SAMMSON: variants seen among roughly 807,000 people sequenced by gnomAD.
The protein encoded by SAMMSON is long intergenic non-protein coding RNA 1212.
intron 4 of SAMMSON, among the ~76,000 whole-genome samples, chr3:70,089,537 CG>C (rs955626389): frequency 9.8e-5 from 1 of 10,248 alleles, no homozygotes; most frequent in Non-Finnish European, 1.8e-4. Context: ...GGCAGATGGA[CG>C]GGGGGTGGGG....
At chr3:70,092,773 G>T (rs56262790) in intron 4 of SAMMSON, among the ~76,000 whole-genome samples, 2 of 151,964 alleles carry the variant, frequency 1.3e-5, no homozygotes, top group Admixed American at 6.6e-5. Context: ...AAATGCAAAT[G>T]TACTTTTGTG....
chr3:70,340,482 C>A (rs12491962), intron 7 of SAMMSON, among the ~76,000 whole-genome samples: 91,600 of 151,666 alleles, frequency 0.6, 28,169 homozygotes, highest in Non-Finnish European at 0.66. Flanking sequence ...TTGGAAGGTT[C>A]CTACTACCTT....
At chr3:70,413,183 T>C (rs890945566) in intron 2 of SAMMSON, among the ~76,000 whole-genome samples, 1 of 152,252 alleles carries the variant, frequency 6.6e-6, no homozygotes, top group Middle Eastern at 3.4e-3. Flanking sequence ...ACGCCTCTTT[T>C]AGGTACTATA....
intron 7 of SAMMSON, among the ~76,000 whole-genome samples, chr3:70,314,008 T>C (rs1195853386): frequency 6.6e-6 from 1 of 152,142 alleles, no homozygotes; most frequent in Admixed American, 6.6e-5. Context: ...TCAATACTCC[T>C]AGAAATGTTT....
intron 4 of SAMMSON, among the ~76,000 whole-genome samples, chr3:70,102,142 C>T (rs2067348737): frequency 1.3e-5 from 2 of 152,136 alleles, no homozygotes; most frequent in South Asian, 4.1e-4. Flanking sequence ...TTAGAGATTC[C>T]ATCTTAGTCT....
intron 3 of SAMMSON, among the ~76,000 whole-genome samples, chr3:70,039,870 G>T (rs1427500072): frequency 6.6e-6 from 1 of 152,078 alleles, no homozygotes; most frequent in Non-Finnish European, 1.5e-5. Flanking sequence ...TGCTTTTATG[G>T]AGTGCTTGAA....
intron 7 of SAMMSON, among the ~76,000 whole-genome samples, chr3:70,338,724 A>G (rs1702685950): frequency 6.6e-6 from 1 of 152,164 alleles, no homozygotes; most frequent in Admixed American, 6.5e-5. Context: ...AAGGAGAACT[A>G]CAAACCACTG....
intron 2 of SAMMSON, among the ~76,000 whole-genome samples, chr3:70,397,035 T>C (rs1398087177): frequency 1.3e-5 from 2 of 152,208 alleles, no homozygotes; most frequent in African/African-American, 4.8e-5. Context: ...CTGTGGATCC[T>C]TATATAAATT....
At chr3:70,406,665 T>C (rs1045179352) in intron 2 of SAMMSON, among the ~76,000 whole-genome samples, 2 of 152,212 alleles carry the variant, frequency 1.3e-5, no homozygotes, top group African/African-American at 2.4e-5. Context: ...CAGTTGAAGA[T>C]GCATGTGGTA....
chr3:70,227,832 T>C lies in SAMMSON; in HGVS notation n.508-21275T>C, dbSNP rs555440405. 7.9e-5 allele frequency among the ~76,000 whole-genome samples: 12 copies of C among 152,236 alleles called. No individual in the cohort carries two copies. In the East Asian group the frequency reaches 2.3e-3, roughly 29 times the overall value. On this transcript the variant is annotated intron_variant and non_coding_transcript_variant, in intron 4 of 9. Transcript: ENST00000642114. Reference sequence around the variant, plus strand: ...GGTAATACAAACTGTGAATTATAAATGCAGATAGTAGTAAGCGGCAGAGCT... The same window carrying C: ...GGTAATACAAACTGTGAATTATAAACGCAGATAGTAGTAAGCGGCAGAGCT...
intron 9 of SAMMSON, among the ~76,000 whole-genome samples, chr3:70,362,689 T>A (rs547178715): frequency 6.6e-6 from 1 of 152,204 alleles, no homozygotes; most frequent in South Asian, 2.1e-4. Context: ...CACATGTGTA[T>A]CTTTTTTTTA....
chr3:70,235,873 A>G (rs1332444923), intron 4 of SAMMSON, among the ~76,000 whole-genome samples: 2 of 152,204 alleles, frequency 1.3e-5, no homozygotes, highest in Non-Finnish European at 2.9e-5. Flanking sequence ...AAGACAATAC[A>G]TGTTCATTAA....
chr3:70,189,015 A>C (rs191375270), intron 4 of SAMMSON, among the ~76,000 whole-genome samples: 1 of 152,186 alleles, frequency 6.6e-6, no homozygotes, highest in Non-Finnish European at 1.5e-5. Flanking sequence ...GGTGCTTGAG[A>C]CCATGAATCT....
intron 7 of SAMMSON, among the ~76,000 whole-genome samples, chr3:70,336,969 A>G (rs1020555433): frequency 3.4e-5 from 5 of 148,684 alleles, no homozygotes; most frequent in Non-Finnish European, 7.4e-5. Context: ...ATTCTCCCTC[A>G]TGTTGCAGAA....
chr3:70,196,174 A>G lies in SAMMSON; in HGVS notation n.508-52933A>G, dbSNP rs1263505785. Among the ~76,000 whole-genome samples, 35 of 152,228 alleles carry G rather than the reference A, an allele frequency of 2.3e-4. 1 individual carries two copies. The highest frequency in any genetic ancestry group is 2.2e-3 in the Admixed American group (34 of 15,282). On this transcript the variant is annotated intron_variant and non_coding_transcript_variant, in intron 4 of 9. Transcript: ENST00000642114. ...TTTTTGAAACTTGCACATAATTCTC[A>G]TTTATGCTTATTAGAATAACTAAGA...
intron 9 of SAMMSON, among the ~76,000 whole-genome samples, chr3:70,385,626 G>A (rs1703115654): frequency 6.6e-6 from 1 of 151,984 alleles, no homozygotes; most frequent in Non-Finnish European, 1.5e-5. Context: ...TGAGTTGGGA[G>A]GTTGCAGCAA....
chr3:70,382,523 G>A (rs187722473), intron 9 of SAMMSON, among the ~76,000 whole-genome samples: 40 of 152,104 alleles, frequency 2.6e-4, no homozygotes, highest in Non-Finnish European at 4.1e-4. Flanking sequence ...ACGTATGAAT[G>A]AATGAAAACC....
intron 6 of SAMMSON, among the ~76,000 whole-genome samples, chr3:70,259,840 G>A (rs1701849229): frequency 1.3e-5 from 2 of 152,148 alleles, no homozygotes; most frequent in Admixed American, 1.3e-4. Context: ...GCACAGCTGG[G>A]GAGGTCTCAG....
chr3:70,038,534 C>T (rs1192084101), intron 3 of SAMMSON, among the ~76,000 whole-genome samples: 1 of 152,084 alleles, frequency 6.6e-6, no homozygotes, highest in Non-Finnish European at 1.5e-5. Context: ...TATAGCAACA[C>T]TAAATGTACT....
Sources: gnomAD v4.1 joint callset for allele counts (sites outside exome capture counted in the v4.1 genomes callset) on GRCh38, gnomAD v4.1.1 for gene constraint, MANE v1.5 for transcripts, NCBI Gene and HGNC (gene_info 2026-07-23, HGNC 2026-07-21) for gene names.